Variants in COL5A3 observed in about 807,000 individuals in gnomAD.
COL5A3 encodes collagen type V alpha 3 chain.
A neutral mutation model predicts 250.0 loss-of-function variants in COL5A3; 172 were observed. That is an observed-to-expected ratio of 0.69 (90% CI 0.61 to 0.78). The LOEUF (loss-of-function observed/expected upper bound fraction) is 0.78. Ranked by LOEUF, COL5A3 falls within the 30% of genes least tolerant of loss-of-function variation. COL5A3 has a pLI of 0.00. For synonymous variants in COL5A3, 937 were observed against 900.4 expected (o/e 1.04, Z -0.73); for missense variants, 2,340 against 2,334.4 (o/e 1.00, Z -0.05).
chr19:10,003,459 A>T, intron 6 of COL5A3, 106 bp downstream of exon 6: 1 of 1,095,398 alleles, frequency 9.1e-7, no homozygotes, highest in Non-Finnish European at 1.4e-6. Flanking sequence ...ACCAGAGATT[A>T]GTAGAGATGG....
At chr19:9,998,234 A>T in intron 8 of COL5A3, 85 bp from the exon 9 acceptor site, 1 of 366,818 alleles carries the variant, frequency 2.7e-6, no homozygotes, top group Non-Finnish European at 3.9e-6. Flanking sequence ...ACACACTTGC[A>T]CACACACACA....
intron 10 of COL5A3, 58 bp from the exon 11 acceptor site, chr19:9,997,491 T>A: frequency 8.7e-7 from 1 of 1,151,102 alleles, no homozygotes; most frequent in Non-Finnish European, 1.3e-6. Flanking sequence ...CTAGGCTGAC[T>A]TTCAACCTAC....
At chr19:9,983,680 AGAAAGAAAGAAG>A (rs1347114010) in intron 31 of COL5A3, among the ~76,000 whole-genome samples, 2 of 121,910 alleles carry the variant, frequency 1.6e-5, no homozygotes, top group South Asian at 3.9e-4. Flanking sequence ...AGAAAAAAGA[AGAAAGAAAGAAG>A]GAAAGAAAGA....
intron 53 of COL5A3, 50 bp from the exon 54 acceptor site, chr19:9,970,725 C>A (rs370127248): frequency 2.2e-6 from 3 of 1,366,404 alleles, no homozygotes; most frequent in Middle Eastern, 1.9e-4. Flanking sequence ...ATTGTTTGAG[C>A]CTGACTGTTT....
chr19:9,968,657 A>G lies in COL5A3; in HGVS notation c.4206+18T>C. 6.2e-7 allele frequency: 1 copy of G among 1,607,472 alleles called. No homozygotes were observed. Among genetic ancestry groups the G allele is most frequent in the Non-Finnish European group, 8.5e-7 (1 of 1,177,122 alleles). The stretch of plus-strand genomic sequence containing the variant: ...AGGGGAGGAGATGGGGAAGAGAATA[A>G]TGGAATGATGTCCTTACCTTTTCCC... On this transcript the variant is annotated intron_variant, in intron 58 of 66. Transcript: ENST00000264828. The surrounding 1 kb of genome is among the most constrained non-coding windows in gnomAD (Gnocchi z 4.1).
chr19:9,974,375 G>C lies in COL5A3; in HGVS notation c.3376C>G (p.Pro1126Ala). The C allele has an allele frequency of 6.2e-7, 1 of 1,610,742 alleles. No individual in the cohort carries two copies. The highest frequency in any genetic ancestry group is 8.5e-7 in the Non-Finnish European group (1 of 1,178,646). Residue 1126 changes from proline (P) to alanine (A), a missense_variant, in exon 46 of 67, where the codon CCA (proline) becomes GCA (alanine). This residue lies in a region of COL5A3 where 1,179 missense variants were observed against 1,162.6 expected (regional missense o/e 1.01). Transcript: ENST00000264828. ...ADGAQGRRGP[P>A]GLFGQKGDDG... ...TCTCCTTTCTGCCCAAAGAGGCCTGGGGGTCCCCGGCGCCCCTGAGCCCCG... is the reference window on the plus strand; with the variant it reads ...TCTCCTTTCTGCCCAAAGAGGCCTGCGGGTCCCCGGCGCCCCTGAGCCCCG...
intron 1 of COL5A3, among the ~76,000 whole-genome samples, chr19:10,007,251 C>T (rs1053208315): frequency 2.0e-5 from 3 of 152,130 alleles, no homozygotes; most frequent in Admixed American, 6.5e-5. Context: ...CCTCCTCCCT[C>T]TGACTACCCC....
intron 39 of COL5A3, 63 bp from the exon 40 acceptor site, chr19:9,979,043 A>C: frequency 6.8e-7 from 1 of 1,475,396 alleles, no homozygotes; most frequent in Non-Finnish European, 9.1e-7. Flanking sequence ...CCAATCTGTG[A>C]CTCAGGGCCC....
At chr19:9,965,610 G>C (rs2086732800) in intron 64 of COL5A3, among the ~76,000 whole-genome samples, 1 of 151,542 alleles carries the variant, frequency 6.6e-6, no homozygotes, top group Admixed American at 6.6e-5. Flanking sequence ...CCGCCATCAC[G>C]CTCAGCTGAT....
intron 19 of COL5A3, 128 bp downstream of exon 19, chr19:9,993,249 ACCT>A (rs1444098829): frequency 2.6e-6 from 3 of 1,154,962 alleles, no homozygotes; most frequent in Non-Finnish European, 3.9e-6. Context: ...TGCAAGTCTC[ACCT>A]CCTCACCCCA....
chr19:9,960,730 A>C lies in COL5A3; in HGVS notation c.5012T>G (p.Phe1671Cys). 1.2e-6 allele frequency: 2 copies of C among 1,614,070 alleles called. No individual in the cohort carries two copies. The highest frequency in any genetic ancestry group is 1.7e-6 in the Non-Finnish European group (2 of 1,180,026). ...CAGCTCCTCTCCATTGGTGCCAAGGAAGCGGGCGGAGTGGCTGTAGTCACC... is the reference window on the plus strand; with the variant it reads ...CAGCTCCTCTCCATTGGTGCCAAGGCAGCGGGCGGAGTGGCTGTAGTCACC... Reference protein sequence around the residue: ...ATGDYSHSARFLGTNGEELSF... With the variant: ...ATGDYSHSARCLGTNGEELSF... The change falls in exon 66 of 67, where the codon TTC becomes TGC. Residue 1671 changes from phenylalanine to cysteine, a missense_variant. Transcript: ENST00000264828.
At chr19:9,977,199 C>T (rs755549385) in intron 44 of COL5A3, 30 bp downstream of exon 44, 23 of 1,609,608 alleles carry the variant, frequency 1.4e-5, no homozygotes, top group Non-Finnish European at 1.7e-5. Context: ...CTACCCACCC[C>T]ACCCTGCCCC....
intron 35 of COL5A3, 131 bp downstream of exon 35, chr19:9,980,517 A>G (rs899218556): frequency 6.0e-6 from 8 of 1,336,096 alleles, no homozygotes; most frequent in Non-Finnish European, 8.2e-6. Flanking sequence ...GTGCACCACC[A>G]CACCCAATTA....
intron 15 of COL5A3, 73 bp downstream of exon 15, chr19:9,995,993 T>A (rs747207798): frequency 2.8e-5 from 38 of 1,373,872 alleles, no homozygotes; most frequent in African/African-American, 7.3e-5. Context: ...ACTTTCCCCA[T>A]CCAGCACTGT....
At chr19:9,992,322 T>C (rs538943880) in intron 21 of COL5A3, among the ~76,000 whole-genome samples, 34 of 151,574 alleles carry the variant, frequency 2.2e-4, no homozygotes, top group African/African-American at 7.7e-4. Flanking sequence ...GGCAGGAGAA[T>C]AGCTTGAACG....
Position 10,004,054 on chromosome 19 carries a change from G to A in COL5A3, c.686C>T (p.Pro229Leu), listed in dbSNP as rs1285080574. ...RYLPDCDNLA[P>L]AATVAPQGEP... The stretch of plus-strand genomic sequence containing the variant: ...TCCCTCACTCACCACTGTGGCTGCC[G>A]GTGCCAGGTTGTCACAGTCGGGGAG... Residue 229 changes from proline to leucine, a missense_variant, in exon 5 of 67, where the codon CCG (proline) becomes CTG (leucine). Pro to Leu is a moderately conservative substitution (Grantham distance 98). Transcript: ENST00000264828. 13 of 1,613,354 alleles carry A rather than the reference G, an allele frequency of 8.1e-6. No homozygotes were observed. Among genetic ancestry groups the A allele is most frequent in the South Asian group, 5.5e-5 (5 of 91,078 alleles).
At chr19:9,983,278 A>G (rs2087034781) in intron 31 of COL5A3, among the ~76,000 whole-genome samples, 1 of 151,772 alleles carries the variant, frequency 6.6e-6, no homozygotes, top group South Asian at 2.1e-4. Context: ...AAGGTAGGAG[A>G]ATCACTTGAA....
chr19:9,997,866 T>A, intron 10 of COL5A3, 118 bp downstream of exon 10: 1 of 1,062,136 alleles, frequency 9.4e-7, no homozygotes, highest in Non-Finnish European at 1.4e-6. Flanking sequence ...AAGCCTCAAA[T>A]GTCCACTACC....
At chr19:9,991,918 G>A (rs1380167403) in intron 22 of COL5A3, 77 bp from the exon 23 acceptor site, 8 of 1,568,976 alleles carry the variant, frequency 5.1e-6, no homozygotes, top group Non-Finnish European at 7.0e-6. Flanking sequence ...ACTTGGGGGG[G>A]GTCAGTCATG....
Sources: gnomAD v4.1 joint callset for allele counts (sites outside exome capture counted in the v4.1 genomes callset) on GRCh38, gnomAD v4.1.1 for gene constraint, gnomAD v4.1.1 regional missense constraint, Gnocchi (gnomAD v3.1) non-coding constraint, MANE v1.5 for transcripts, NCBI Gene and HGNC (gene_info 2026-07-23, HGNC 2026-07-21) for gene names.